Variants in TDRD12 observed in about 807,000 individuals in gnomAD.
The protein encoded by TDRD12 is putative ATP-dependent RNA helicase TDRD12.
A neutral mutation model predicts 133.5 loss-of-function variants in TDRD12; 158 were observed. That is an observed-to-expected ratio of 1.18 (90% CI 1.04 to 1.35). The LOEUF is 1.35. Among genes scored for constraint, TDRD12 ranks in the 40% most tolerant of loss-of-function variants. The probability of loss-of-function intolerance (pLI) is 0.00; values close to 1 mark genes in which losing one functional copy is unlikely to be tolerated. For synonymous variants in TDRD12, 460 were observed against 477.9 expected, an observed-to-expected ratio of 0.96 and a Z score of 0.49; for missense variants, 1,443 against 1,321.3, an observed-to-expected ratio of 1.09 and a Z score of -1.43.
At chr19:32,725,790 A>G (rs926824340) in intron 1 of TDRD12, among the ~76,000 whole-genome samples, 7 of 152,136 alleles carry the variant, frequency 4.6e-5, no homozygotes, top group Non-Finnish European at 8.8e-5. Context: ...CATTGAATCT[A>G]TAAATTACTT....
rs1969702154 is a variant in TDRD12, at chr19:32,747,904, ACT to A, written c.441-570_441-569del. 3.3e-5 allele frequency among the ~76,000 whole-genome samples: 5 copies of A among 152,046 alleles called. No homozygotes were observed. In the South Asian group the frequency reaches 8.3e-4, roughly 25 times the overall value. On this transcript the variant is annotated intron_variant, in intron 4 of 27. Coordinates refer to ENST00000444215, the Ensembl canonical transcript of TDRD12. The stretch of plus-strand genomic sequence containing the variant: ...GTGGGGCACACCTGTAGTCCTAGCT[ACT>A]CAGGAGGCTGAGATGAGAGGATCCC...
At chr19:32,732,205 G>A (rs1183538977) in intron 2 of TDRD12, among the ~76,000 whole-genome samples, 4 of 152,080 alleles carry the variant, frequency 2.6e-5, no homozygotes, top group Non-Finnish European at 2.9e-5. Flanking sequence ...GGGTTTCACC[G>A]TGTTGGCCAG....
intron 22 of TDRD12, among the ~76,000 whole-genome samples, 200 bp downstream of exon 22, chr19:32,807,848 T>A (rs982838930): frequency 6.6e-6 from 1 of 152,166 alleles, no homozygotes; most frequent in Non-Finnish European, 1.5e-5. Context: ...TAAGCCAAGA[T>A]CAAATTCAGT....
chr19:32,801,542 C>T (rs1425405969), intron 18 of TDRD12, among the ~76,000 whole-genome samples: 1 of 152,122 alleles, frequency 6.6e-6, no homozygotes, highest in Non-Finnish European at 1.5e-5. Context: ...CAAAATACTG[C>T]TTATTTCACT....
At chr19:32,721,708 T>TA (rs1968679317) in intron 1 of TDRD12, among the ~76,000 whole-genome samples, 1 of 147,056 alleles carries the variant, frequency 6.8e-6, no homozygotes, top group African/African-American at 2.6e-5. Flanking sequence ...TTTATTTTAT[T>TA]TTATTTTATT....
chr19:32,745,868 GAGT>G (rs1969596435), intron 4 of TDRD12, among the ~76,000 whole-genome samples: 1 of 150,688 alleles, frequency 6.6e-6, no homozygotes, highest in African/African-American at 2.5e-5. Flanking sequence ...GTGAGAGAGA[GAGT>G]CTGGCTGATG....
chr19:32,738,674 A>G (rs1045926937), intron 2 of TDRD12, among the ~76,000 whole-genome samples, 182 bp from the exon 3 acceptor site: 1 of 151,994 alleles, frequency 6.6e-6, no homozygotes, highest in Admixed American at 6.6e-5. Flanking sequence ...TTAGCCAGGC[A>G]TGGCGGCAGG....
chr19:32,761,382 G>A (rs1196915261), intron 8 of TDRD12, among the ~76,000 whole-genome samples: 1 of 151,910 alleles, frequency 6.6e-6, no homozygotes, highest in Non-Finnish European at 1.5e-5. Context: ...CGCCCGCCTC[G>A]GCCTCCCAAA....
intron 12 of TDRD12, 22 bp downstream of exon 12, chr19:32,790,613 GTAAAA>G: frequency 6.4e-7 from 1 of 1,551,506 alleles, no homozygotes; most frequent in Non-Finnish European, 8.7e-7. Flanking sequence ...CCTAAAAAAA[GTAAAA>G]TAAAAAGAGA....
intron 1 of TDRD12, among the ~76,000 whole-genome samples, chr19:32,721,954 G>A (rs1366250600): frequency 6.7e-6 from 1 of 150,002 alleles, no homozygotes; most frequent in Non-Finnish European, 1.5e-5. Flanking sequence ...CTGACCTCGT[G>A]ATCCACCCGC....
At chr19:32,816,895 G>A (rs1967198845) in intron 26 of TDRD12, among the ~76,000 whole-genome samples, 1 of 152,206 alleles carries the variant, frequency 6.6e-6, no homozygotes, top group African/African-American at 2.4e-5. Context: ...TACCATATGA[G>A]AAGGTGCTGG....
chr19:32,805,729 C>CTTTTT (rs397860060), intron 21 of TDRD12, among the ~76,000 whole-genome samples: 3 of 118,874 alleles, frequency 2.5e-5, no homozygotes, highest in Admixed American at 8.9e-5. Context: ...TTTTTTTTAT[C>CTTTTT]TTTTTTTTTT....
chr19:32,818,362 C>T (rs1013583969), intron 27 of TDRD12, among the ~76,000 whole-genome samples: 13 of 152,166 alleles, frequency 8.5e-5, no homozygotes, highest in African/African-American at 3.1e-4. Context: ...TCTTGTGGGG[C>T]CTGTGGCCAC....
At chr19:32,784,882 T>TA (rs1970863095) in intron 11 of TDRD12, among the ~76,000 whole-genome samples, 1 of 152,186 alleles carries the variant, frequency 6.6e-6, no homozygotes, top group South Asian at 2.1e-4. Context: ...CTTTTCTTCT[T>TA]TATTAGTCTT....
chr19:32,813,108 C>T (rs1346858646), intron 24 of TDRD12, among the ~76,000 whole-genome samples: 3 of 152,004 alleles, frequency 2.0e-5, no homozygotes, highest in East Asian at 3.9e-4. Context: ...CCCTGGAGTT[C>T]GAGGCTGCAG....
intron 1 of TDRD12, among the ~76,000 whole-genome samples, chr19:32,729,819 C>T (rs1968990533): frequency 1.0e-5 from 1 of 96,704 alleles, no homozygotes; most frequent in Admixed American, 1.8e-4. Flanking sequence ...GAGATGGAGT[C>T]TTGCTCTGTC....
intron 4 of TDRD12, among the ~76,000 whole-genome samples, chr19:32,746,092 G>GAC (rs1568455478): frequency 1.3e-5 from 2 of 150,914 alleles, no homozygotes; most frequent in Non-Finnish European, 3.0e-5. Flanking sequence ...GTGTGACAGA[G>GAC]GGGGAGAGAG....
chr19:32,776,347 T>C (rs1970584352), intron 10 of TDRD12, among the ~76,000 whole-genome samples: 1 of 152,228 alleles, frequency 6.6e-6, no homozygotes, highest in African/African-American at 2.4e-5. Context: ...GCAGGTTTTC[T>C]CTCAGGGTTT....
chr19:32,738,845 T>G lies in TDRD12; in HGVS notation c.184-11T>G. On this transcript the variant is annotated splice_polypyrimidine_tract_variant and intron_variant, in intron 2 of 27. Transcript: ENST00000444215. ...TAAATAAATAAAAATAACTCTCTGT[T>G]TATTTTGCAGGTGTGTGTGGTCTAT... 1 of 1,547,092 alleles carries G rather than the reference T, an allele frequency of 6.5e-7. No homozygotes were observed. The highest frequency in any genetic ancestry group is 8.7e-7 in the Non-Finnish European group (1 of 1,146,102).
Sources: allele counts gnomAD v4.1 joint callset (sites outside exome capture counted in the v4.1 genomes callset), GRCh38; gene constraint gnomAD v4.1.1; transcripts MANE v1.5; gene names NCBI Gene and HGNC (gene_info 2026-07-23, HGNC 2026-07-21).